The following NECAP2 variants were observed in gnomAD, a reference collection of about 807,000 sequenced individuals.
NECAP2 encodes NECAP endocytosis associated 2.
Under a neutral mutation model 37.8 loss-of-function variants are expected in NECAP2, and 38 were observed. That is an observed-to-expected ratio of 1.01 (90% CI 0.78 to 1.32). NECAP2 has a LOEUF of 1.32. Among genes scored for constraint, NECAP2 ranks in the 40% most tolerant of loss-of-function variants. The pLI is 0.00. For missense variants in NECAP2, 316 were observed against 334.5 expected (o/e 0.94, Z 0.43); for synonymous variants, 121 against 127.7 (o/e 0.95, Z 0.35).
chr1:16,444,182 C>A (rs2086728625), intron 2 of NECAP2, among the ~76,000 whole-genome samples: 1 of 152,202 alleles, frequency 6.6e-6, no homozygotes, highest in African/African-American at 2.4e-5. Flanking sequence ...CTACTCAGCT[C>A]TTTCTGTAGT....
At chr1:16,458,339 C>T (rs1380024809) in intron 7 of NECAP2, among the ~76,000 whole-genome samples, 1 of 152,074 alleles carries the variant, frequency 6.6e-6, no homozygotes, top group Non-Finnish European at 1.5e-5. Flanking sequence ...TGTTGGCTCA[C>T]GCCTGTAATC....
At chr1:16,450,450 T>G (rs2086825668) in intron 5 of NECAP2, 1 of 204,806 alleles carries the variant, frequency 4.9e-6, no homozygotes, top group Non-Finnish European at 1.0e-5. Context: ...TGAGGTCTTT[T>G]GACTTCAGGG....
At chr1:16,443,554 G>A in intron 1 of NECAP2, 78 bp from the exon 2 acceptor site, 2 of 1,103,370 alleles carry the variant, frequency 1.8e-6, no homozygotes, top group South Asian at 1.3e-5. Flanking sequence ...GCTAGAATAA[G>A]CAGCCCTTTC....
intron 5 of NECAP2, chr1:16,449,496 G>T (rs976177872): frequency 6.2e-6 from 2 of 320,460 alleles, no homozygotes; most frequent in Non-Finnish European, 5.7e-6. Context: ...GCCCATAGTT[G>T]TGGGAACCAA....
intron 7 of NECAP2, among the ~76,000 whole-genome samples, chr1:16,458,017 A>G (rs1321941734): frequency 6.6e-6 from 1 of 152,080 alleles, no homozygotes; most frequent in Non-Finnish European, 1.5e-5. Flanking sequence ...GGCCCAAAAT[A>G]TAGTAATTAT....
chr1:16,443,214 G>A (rs1310661688), intron 1 of NECAP2, among the ~76,000 whole-genome samples: 2 of 152,210 alleles, frequency 1.3e-5, no homozygotes, highest in Non-Finnish European at 2.9e-5. Flanking sequence ...TAGAGAGGGG[G>A]TCACCAAGTG....
chr1:16,449,280 G>A lies in NECAP2; in HGVS notation c.489+79G>A. ...CCCAGAGCCCATTGCTCTTCTTACAGTTCAGCTCCTTCAGTTCAGCAGATG... is the reference window on the plus strand; with the variant it reads ...CCCAGAGCCCATTGCTCTTCTTACAATTCAGCTCCTTCAGTTCAGCAGATG... On this transcript the variant is annotated intron_variant, in intron 5 of 7. Transcript: ENST00000337132. 1.6e-5 allele frequency: 15 copies of A among 921,122 alleles called. No homozygotes were observed. The South Asian group carries it at 2.3e-4, about 14-fold the overall frequency. The allele number at this position is 921,122 out of a possible 1,614,324, so 57.1% of individuals were successfully genotyped here.
intron 6 of NECAP2, among the ~76,000 whole-genome samples, chr1:16,453,865 T>C (rs903522414): frequency 1.3e-5 from 2 of 152,122 alleles, no homozygotes; most frequent in African/African-American, 4.8e-5. Context: ...TAGGCACTGG[T>C]ACGTATAGCA....
intron 1 of NECAP2, among the ~76,000 whole-genome samples, chr1:16,442,269 C>T (rs1381105475): frequency 6.6e-6 from 1 of 152,148 alleles, no homozygotes; most frequent in South Asian, 2.1e-4. Flanking sequence ...GGATCCACCG[C>T]GCCCGGCCCC....
At position 16,458,871 on chromosome 1, in the gene NECAP2, C is replaced by T; in HGVS notation, c.773C>T (p.Thr258Ile). The change falls in exon 8 of 8, where the codon ACA (threonine) becomes ATA (isoleucine). Residue 258 changes from threonine (T) to isoleucine (I), a missense_variant. Around this residue, in one of 3 missense-constraint regions of NECAP2, gnomAD observed 204 missense variants for 188.6 expected, o/e 1.08. Coordinates refer to ENST00000337132, the MANE Select transcript of NECAP2 (RefSeq NM_018090.5). ...ACTTCCAGCCAGACCCAGCCAGGCA[C>T]AGGCTGGGTCCAGTTCTGACCTGAG... The part of the protein sequence containing the change: ...GSTSSQTQPG[T>I]GWVQF The T allele has an allele frequency of 1.9e-6, 3 of 1,613,930 alleles. No homozygotes were observed. Among genetic ancestry groups the T allele is most frequent in the Non-Finnish European group, 2.5e-6 (3 of 1,179,984 alleles).
intron 2 of NECAP2, among the ~76,000 whole-genome samples, chr1:16,445,998 C>T (rs546762604): frequency 2.1e-4 from 32 of 151,998 alleles, no homozygotes; most frequent in Admixed American, 3.3e-4. Flanking sequence ...CACCTGAGGT[C>T]GGGAGTTTGA....
rs1200227466 is a variant in NECAP2 at position 16,451,892 on chromosome 1, A to G, written c.544A>G (p.Thr182Ala). 1.9e-6 allele frequency: 3 copies of G among 1,614,136 alleles called. No homozygotes were observed. The highest frequency in any genetic ancestry group is 2.5e-6 in the Non-Finnish European group (3 of 1,179,996). Residue 182 changes from threonine (T) to alanine (A), a missense_variant, in exon 6 of 8, where the codon ACA (threonine) becomes GCA (alanine). By Grantham distance (58) the Thr-to-Ala change is moderately conservative (BLOSUM62 0). Around this residue, in one of 3 missense-constraint regions of NECAP2, gnomAD observed 204 missense variants for 188.6 expected, o/e 1.08. Transcript: ENST00000337132. ...GAATCCCCGAGTCCGGCCTGCCAGCACAGGAGGGCTGAGCCTGCTTCCCCC... is the reference window on the plus strand; with the variant it reads ...GAATCCCCGAGTCCGGCCTGCCAGCGCAGGAGGGCTGAGCCTGCTTCCCCC... ...AGNPRVRPAS[T>A]GGLSLLPPPP...
rs186205517 is a variant in NECAP2 at position 16,448,066 on chromosome 1, G to A, written c.305G>A (p.Arg102Gln). ...VIRIEDGNGR[R>Q]AFIGIGFGDR... ...ATCATGTGTTGTTCCCCAGGGCGACGGGCGTTTATTGGAATTGGCTTCGGG... is the reference window on the plus strand; with the variant it reads ...ATCATGTGTTGTTCCCCAGGGCGACAGGCGTTTATTGGAATTGGCTTCGGG... The change falls in exon 4 of 8, where the codon CGG becomes CAG. Residue 102 changes from arginine (R) to glutamine (Q), a missense_variant. This residue lies in a region of NECAP2 where 81 missense variants were observed against 124.2 expected (regional missense o/e 0.65). Coordinates refer to ENST00000337132, the MANE Select transcript of NECAP2 (RefSeq NM_018090.5). 5 of 1,614,154 alleles carry A rather than the reference G, an allele frequency of 3.1e-6. No homozygotes were observed. Among genetic ancestry groups the A allele is most frequent in the East Asian group, 2.2e-5 (1 of 44,878 alleles).
intron 5 of NECAP2, chr1:16,451,548 A>G (rs558542461): frequency 2.7e-5 from 11 of 413,604 alleles, no homozygotes; most frequent in Non-Finnish European, 4.3e-5. Context: ...GATAATCTAC[A>G]TTTTAGCCAT....
intron 1 of NECAP2, chr1:16,441,407 T>C (rs1034840658): frequency 6.5e-6 from 1 of 153,090 alleles, no homozygotes; most frequent in Non-Finnish European, 1.5e-5. Context: ...ATTTCTCTGG[T>C]CTCTACCTGA....
At chr1:16,447,580 G>T (rs1023366508) in intron 2 of NECAP2, among the ~76,000 whole-genome samples, 2 of 152,200 alleles carry the variant, frequency 1.3e-5, no homozygotes, top group African/African-American at 4.8e-5. Context: ...TCTCAGGTGG[G>T]CTTGGAGGCT....
chr1:16,455,942 C>A lies in NECAP2; in HGVS notation c.743+49C>A, dbSNP rs763376984. 2.1e-6 allele frequency: 3 copies of A among 1,416,812 alleles called. No individual in the cohort carries two copies. The Admixed American group carries it at 5.0e-5, about 24-fold the overall frequency. The allele number at this position is 1,416,812 out of a possible 1,614,324, so 87.8% of individuals were successfully genotyped here. A position where few individuals can be genotyped will look rare whatever the true frequency, so the allele number is the denominator to read the frequency against. On this transcript the variant is annotated intron_variant, in intron 7 of 7. Coordinates refer to ENST00000337132, the MANE Select transcript of NECAP2 (RefSeq NM_018090.5). ...AGGGGCTGGGGCCAGGGCCGTTGCT[C>A]TACAAACCTGGTATTGTTCCACATG...
intron 4 of NECAP2, among the ~76,000 whole-genome samples, chr1:16,448,592 C>T (rs2086796480): frequency 1.3e-5 from 2 of 152,214 alleles, no homozygotes; most frequent in Admixed American, 6.5e-5. Context: ...TGCCCGGCCA[C>T]TCACATGGGC....
intron 2 of NECAP2, among the ~76,000 whole-genome samples, chr1:16,445,216 A>G (rs985835566): frequency 1.8e-4 from 27 of 152,228 alleles, no homozygotes; most frequent in Non-Finnish European, 2.4e-4. Flanking sequence ...TCTTAGCTCA[A>G]GGTCATGCCT....
Sources: allele counts gnomAD v4.1 joint callset (sites outside exome capture counted in the v4.1 genomes callset), GRCh38; gene constraint gnomAD v4.1.1; regional missense constraint gnomAD v4.1.1; transcripts MANE v1.5; gene names NCBI Gene and HGNC (gene_info 2026-07-23, HGNC 2026-07-21).